The following EXT1 variants were observed in gnomAD, a reference collection of about 807,000 sequenced individuals.
EXT1 encodes the protein exostosin glycosyltransferase 1, also known as exostosin-1.
In EXT1, 20 loss-of-function variants were observed where a neutral mutation model predicts 82.5. The ratio of observed to expected loss-of-function variants is 0.24; its 90% CI spans 0.17 to 0.35. The LOEUF is 0.35. EXT1 is among the 10% of genes least tolerant of loss of function. EXT1 has a pLI of 1.00. For missense variants in EXT1, 757 were observed against 936.5 expected, an observed-to-expected ratio of 0.81 and a Z score of 2.50; for synonymous variants, 348 against 350.8, an observed-to-expected ratio of 0.99 and a Z score of 0.09.
At chr8:117,973,800 A>AGAAAGGAAAGGAAAGGAAAGGAAAG (rs1211158489) in intron 1 of EXT1, among the ~76,000 whole-genome samples, 3 of 43,304 alleles carry the variant, frequency 6.9e-5, no homozygotes, top group Non-Finnish European at 9.4e-5. Flanking sequence ...AAAAGAAAAG[A>AGAAAGGAAAGGAAAGGAAAGGAAAG]GAAAGGAAAG....
chr8:117,833,812 A>C (rs11989463), intron 3 of EXT1, among the ~76,000 whole-genome samples: 26,794 of 152,090 alleles, frequency 0.18, 2,656 homozygotes, highest in Non-Finnish European at 0.21. Context: ...TTAAAATAAC[A>C]TTTGAAAAAG....
At chr8:117,870,823 T>TCA (rs59973422) in intron 1 of EXT1, among the ~76,000 whole-genome samples, 5,171 of 146,826 alleles carry the variant, frequency 0.035, 117 homozygotes, top group African/African-American at 0.055. Context: ...AAATGCTTTG[T>TCA]CACACACACA....
Position 117,827,784 on chromosome 8 carries a change from CAAAAAAAAAAAAAAA to C in EXT1, c.1284+2431_1284+2445del, listed in dbSNP as rs768731740. Among the ~76,000 whole-genome samples, 153 of 54,148 alleles carry C rather than the reference CAAAAAAAAAAAAAAA, an allele frequency of 2.8e-3. 2 individuals carry two copies. Among genetic ancestry groups the C allele is most frequent in the African/African-American group, 0.011 (140 of 12,566 alleles). 35.5% of individuals were successfully genotyped at this position (54,148 alleles called of 152,430 possible). On this transcript the variant is annotated intron_variant, in intron 4 of 10. Coordinates refer to ENST00000378204, the MANE Select transcript of EXT1 (RefSeq NM_000127.3). ...TGGGGGACAGGGTGAGACTCTGTCT[CAAAAAAAAAAAAAAA>C]AAAAAAAAAAAAAAAATCTTAACAT...
chr8:118,002,550 G>A (rs1188987112), intron 1 of EXT1, among the ~76,000 whole-genome samples: 2 of 27,086 alleles, frequency 7.4e-5, no homozygotes, highest in Non-Finnish European at 1.5e-4. Flanking sequence ...TTTTTTTTTT[G>A]AGACAGAGTC....
intron 1 of EXT1, among the ~76,000 whole-genome samples, chr8:118,025,917 A>C (rs1336017227): frequency 1.3e-5 from 2 of 152,208 alleles, no homozygotes; most frequent in Non-Finnish European, 2.9e-5. Context: ...AATCACTGCC[A>C]TAAATCATCC....
intron 1 of EXT1, among the ~76,000 whole-genome samples, chr8:118,087,416 C>T (rs1817441370): frequency 2.6e-5 from 4 of 152,124 alleles, no homozygotes; most frequent in Admixed American, 2.6e-4. Context: ...GGATCTTTAA[C>T]CAAGGATCAG....
At chr8:117,816,464 C>T (rs140141674) in intron 7 of EXT1, among the ~76,000 whole-genome samples, 13 of 152,212 alleles carry the variant, frequency 8.5e-5, no homozygotes, top group South Asian at 4.1e-4. Flanking sequence ...TAAGTGCAAA[C>T]GCTTCACTCT....
intron 1 of EXT1, among the ~76,000 whole-genome samples, chr8:118,018,386 A>C (rs1428783448): frequency 6.6e-6 from 1 of 152,142 alleles, no homozygotes; most frequent in Non-Finnish European, 1.5e-5. Flanking sequence ...TGTTTCTATA[A>C]AGCCAGAAAC....
chr8:117,987,523 G>A (rs1281827052), intron 1 of EXT1, among the ~76,000 whole-genome samples: 1 of 152,208 alleles, frequency 6.6e-6, no homozygotes, highest in Admixed American at 6.5e-5. Flanking sequence ...TTTACGAGAA[G>A]AGCATGGCTG....
intron 1 of EXT1, among the ~76,000 whole-genome samples, chr8:118,013,895 T>G (rs1373325507): frequency 2.6e-5 from 4 of 152,210 alleles, no homozygotes; most frequent in Non-Finnish European, 5.9e-5. Context: ...GTAAAGATCT[T>G]AAATCTACCT....
Position 117,808,641 on chromosome 8 carries a change from C to G in EXT1, c.1723-1264G>C, listed in dbSNP as rs544841629. 2.0e-5 allele frequency among the ~76,000 whole-genome samples: 3 copies of G among 152,282 alleles called. No homozygotes were observed. In the South Asian group the frequency reaches 6.2e-4, roughly 32 times the overall value. On this transcript the variant is annotated intron_variant, in intron 8 of 10. Coordinates refer to ENST00000378204, the MANE Select transcript of EXT1 (RefSeq NM_000127.3). Reference sequence around the variant, plus strand: ...TTCGCAAATATTTTGAGTCCTGGCACTGTGATGGTAGCTGGGGGACGGAGG... The same window carrying G: ...TTCGCAAATATTTTGAGTCCTGGCAGTGTGATGGTAGCTGGGGGACGGAGG...
chr8:117,887,332 GTT>G (rs950335758), intron 1 of EXT1, among the ~76,000 whole-genome samples: 12 of 152,128 alleles, frequency 7.9e-5, no homozygotes, highest in Non-Finnish European at 1.5e-4. Context: ...AGCAAAACAT[GTT>G]TCCAGGAACA....
chr8:118,024,622 A>C (rs183659144), intron 1 of EXT1, among the ~76,000 whole-genome samples: 7 of 152,366 alleles, frequency 4.6e-5, no homozygotes, highest in Non-Finnish European at 1.0e-4. Flanking sequence ...CAAATATGGA[A>C]CTTACAAACT....
intron 1 of EXT1, among the ~76,000 whole-genome samples, chr8:117,959,132 C>A (rs978157563): frequency 6.6e-6 from 1 of 152,196 alleles, no homozygotes; most frequent in Non-Finnish European, 1.5e-5. Flanking sequence ...AGGTTGTGCA[C>A]AAAGTGAAGG....
intron 1 of EXT1, among the ~76,000 whole-genome samples, chr8:118,093,372 T>C (rs1817556843): frequency 6.6e-6 from 1 of 152,132 alleles, no homozygotes; most frequent in Non-Finnish European, 1.5e-5. Flanking sequence ...CCCTGCTTCC[T>C]GTCTTGAGCC....
chr8:117,826,221 C>T (rs1046780079), intron 4 of EXT1, among the ~76,000 whole-genome samples: 2 of 152,194 alleles, frequency 1.3e-5, no homozygotes, highest in African/African-American at 4.8e-5. Flanking sequence ...AACGTACTAA[C>T]AACCTGACCC....
At chr8:118,092,628 T>C (rs1437008620) in intron 1 of EXT1, among the ~76,000 whole-genome samples, 1 of 152,130 alleles carries the variant, frequency 6.6e-6, no homozygotes, top group Non-Finnish European at 1.5e-5. Flanking sequence ...CCTAAAATTA[T>C]ACAGGGCAAG....
chr8:117,964,589 G>A (rs572715199), intron 1 of EXT1, among the ~76,000 whole-genome samples: 1 of 150,368 alleles, frequency 6.7e-6, no homozygotes, highest in East Asian at 1.9e-4. Flanking sequence ...CACAGAAAGA[G>A]AAATTTTTGT....
intron 1 of EXT1, among the ~76,000 whole-genome samples, chr8:118,068,172 C>T (rs1432712595): frequency 1.3e-5 from 2 of 152,220 alleles, no homozygotes; most frequent in South Asian, 4.1e-4. Context: ...AGTGCCAGAG[C>T]TGAGCCTGGA....
Sources: gnomAD v4.1 joint callset for allele counts (sites outside exome capture counted in the v4.1 genomes callset) on GRCh38, gnomAD v4.1.1 for gene constraint, MANE v1.5 for transcripts, NCBI Gene and HGNC (gene_info 2026-07-23, HGNC 2026-07-21) for gene names.